RPRD1A: variants seen among roughly 807,000 people sequenced by gnomAD.
RPRD1A encodes regulation of nuclear pre-mRNA domain containing 1A, also known as regulation of nuclear pre-mRNA domain-containing protein 1A.
Under a neutral mutation model 37.8 loss-of-function variants are expected in RPRD1A, and 9 were observed. That is an observed-to-expected ratio of 0.24 (90% CI 0.14 to 0.42). The LOEUF (loss-of-function observed/expected upper bound fraction) is 0.42. RPRD1A is among the 10% of genes least tolerant of loss of function. The probability of loss-of-function intolerance (pLI) is 1.00; values close to 1 mark genes in which losing one functional copy is unlikely to be tolerated. For synonymous variants in RPRD1A, 138 were observed against 139.7 expected, an observed-to-expected ratio of 0.99 and a Z score of 0.08; for missense variants, 255 against 371.0, an observed-to-expected ratio of 0.69 and a Z score of 2.57.
intron 6 of RPRD1A, among the ~76,000 whole-genome samples, chr18:36,008,589 A>ATATATCTATATATATATATATATATC (rs71381561): frequency 1.1e-5 from 1 of 90,826 alleles, no homozygotes; most frequent in Admixed American, 1.3e-4. Context: ...ATATATATAT[A>ATATATCTATATATATATATATATATC]TCTTTAAAAA....
rs8098657 is a variant in RPRD1A at position 36,013,756 on chromosome 18, A to C, written c.789+13144T>G. ...CTGGAATATCTTTACAAGTAAAAAA[A>C]AGTTTTTTTACATTTCTGACACATG... On this transcript the variant is annotated intron_variant, in intron 6 of 6. Transcript: ENST00000399022. Among the ~76,000 whole-genome samples, 1,250 of 152,306 alleles carry C rather than the reference A, an allele frequency of 8.2e-3. 24 individuals are homozygous for C. The highest frequency in any genetic ancestry group is 0.029 in the African/African-American group (1,185 of 41,574).
chr18:36,031,926 AC>A (rs2144295862), intron 2 of RPRD1A, among the ~76,000 whole-genome samples: 1 of 152,238 alleles, frequency 6.6e-6, no homozygotes, highest in East Asian at 1.9e-4. Flanking sequence ...ACTCCCTAAT[AC>A]CTAGTACCAT....
At chr18:36,067,196 G>A (rs2144454210) in intron 1 of RPRD1A, 58 bp downstream of exon 1, 3 of 1,503,716 alleles carry the variant, frequency 2.0e-6, no homozygotes, top group African/African-American at 1.4e-5. Flanking sequence ...GGGGTTCCCG[G>A]GGGCGCCTGG....
At chr18:36,066,560 A>C (rs550242022) in intron 1 of RPRD1A, among the ~76,000 whole-genome samples, 1 of 152,362 alleles carries the variant, frequency 6.6e-6, no homozygotes, top group African/African-American at 2.4e-5. Flanking sequence ...TTAGTGACAG[A>C]CATCTCAAAA....
chr18:36,037,640 T>C (rs992045710), intron 1 of RPRD1A, among the ~76,000 whole-genome samples: 1 of 151,892 alleles, frequency 6.6e-6, no homozygotes, highest in Non-Finnish European at 1.5e-5. Flanking sequence ...CAGGCAGAGG[T>C]TGGAACAGTT....
chr18:36,000,821 A>C lies in RPRD1A; in HGVS notation c.790-7521T>G, dbSNP rs185219771. Among the ~76,000 whole-genome samples the C allele has an allele frequency of 1.0e-3, 158 of 152,344 alleles. 1 individual carries two copies. Among genetic ancestry groups the C allele is most frequent in the African/African-American group, 3.7e-3 (153 of 41,570 alleles). On this transcript the variant is annotated intron_variant, in intron 6 of 6. Coordinates refer to ENST00000399022, the MANE Select transcript of RPRD1A (RefSeq NM_018170.5). ...CAGGGGCAAAAGGGGGCTCCAACTTAAGATAATCTGTCTTCAGAGTCCTCA... is the reference window on the plus strand; with the variant it reads ...CAGGGGCAAAAGGGGGCTCCAACTTCAGATAATCTGTCTTCAGAGTCCTCA...
intron 1 of RPRD1A, among the ~76,000 whole-genome samples, chr18:36,043,687 T>C (rs1273418581): frequency 6.6e-6 from 1 of 152,078 alleles, no homozygotes; most frequent in Non-Finnish European, 1.5e-5. Context: ...ACTTTTTTGT[T>C]TTACAAATAA....
At chr18:36,041,912 G>A (rs1013737091) in intron 1 of RPRD1A, among the ~76,000 whole-genome samples, 2 of 152,220 alleles carry the variant, frequency 1.3e-5, no homozygotes, top group Non-Finnish European at 2.9e-5. Flanking sequence ...ATGTACTCCT[G>A]TACTACTGCC....
At chr18:36,027,103 T>C (rs1271404865) in intron 5 of RPRD1A, 28 bp from the exon 6 acceptor site, 2 of 1,612,236 alleles carry the variant, frequency 1.2e-6, no homozygotes, top group Non-Finnish European at 8.5e-7. Flanking sequence ...TAATAAAATA[T>C]TATACAACAA....
chr18:36,008,119 T>C (rs1281479263), intron 6 of RPRD1A, among the ~76,000 whole-genome samples: 1 of 152,006 alleles, frequency 6.6e-6, no homozygotes, highest in Non-Finnish European at 1.5e-5. Context: ...ACTTCCCAAC[T>C]TGATGACCAG....
intron 1 of RPRD1A, among the ~76,000 whole-genome samples, chr18:36,061,320 T>C (rs1368275198): frequency 6.6e-6 from 1 of 152,198 alleles, no homozygotes; most frequent in Non-Finnish European, 1.5e-5. Context: ...ACACAATCAA[T>C]AAATACAGGG....
At chr18:36,022,327 G>T (rs984176212) in intron 6 of RPRD1A, among the ~76,000 whole-genome samples, 1 of 152,222 alleles carries the variant, frequency 6.6e-6, no homozygotes, top group Non-Finnish European at 1.5e-5. Flanking sequence ...TCTAGCTAAG[G>T]TCGTTGATGA....
intron 6 of RPRD1A, among the ~76,000 whole-genome samples, chr18:36,006,651 C>T (rs1014161331): frequency 2.0e-5 from 3 of 152,178 alleles, no homozygotes; most frequent in African/African-American, 7.2e-5. Flanking sequence ...AGGGCAGCAT[C>T]ACCTGATAAA....
rs1908806851 is a variant in RPRD1A, at chr18:35,993,096, C to T, written c.*55G>A. 1.3e-6 allele frequency: 2 copies of T among 1,537,860 alleles called. No homozygotes were observed. Among genetic ancestry groups the T allele is most frequent in the South Asian group, 1.2e-5 (1 of 83,896 alleles). Reference sequence around the variant, plus strand: ...AAAAATAACACTACAGGACTATCCACCTAACCTGTCTCCATCTCTTGCAAA... The same window carrying T: ...AAAAATAACACTACAGGACTATCCATCTAACCTGTCTCCATCTCTTGCAAA... On this transcript the variant is annotated 3_prime_UTR_variant, in exon 7 of 7. Transcript: ENST00000399022.
chr18:36,049,584 T>C (rs1399455019), intron 1 of RPRD1A, among the ~76,000 whole-genome samples: 1 of 152,244 alleles, frequency 6.6e-6, no homozygotes, highest in East Asian at 1.9e-4. Context: ...TTGTGACTAG[T>C]TTAATTCACT....
intron 1 of RPRD1A, among the ~76,000 whole-genome samples, chr18:36,049,793 A>T (rs1027991723): frequency 1.3e-5 from 2 of 152,104 alleles, no homozygotes; most frequent in Non-Finnish European, 2.9e-5. Context: ...GGGTGTGCAT[A>T]TATCTGTTTG....
In RPRD1A at chr18:36,033,818, A is replaced by T. The variant is rs1911989957; in HGVS notation, c.171T>A (p.Leu57=). ...ELRKAKPNRK[L]TFLYLANDVI... is the part of the protein sequence containing the mutation. ...CATCATTGGCTAGGTAGAGAAAAGT[A>T]AGCTTCCTGTTTGGTTTGGCTGAAA... is the stretch of plus-strand genomic sequence containing the variant. The change falls in exon 2 of 7, where the codon CTT becomes CTA. Residue 57 remains leucine, a synonymous_variant. Transcript: ENST00000399022. The T allele has an allele frequency of 1.2e-6, 2 of 1,610,198 alleles. No individual in the cohort carries two copies. The highest frequency in any genetic ancestry group is 1.3e-5 in the African/African-American group (1 of 74,710).
chr18:36,024,287 C>T (rs951128422), intron 6 of RPRD1A, among the ~76,000 whole-genome samples: 1 of 150,492 alleles, frequency 6.6e-6, no homozygotes, highest in Non-Finnish European at 1.5e-5. Context: ...GCTGGGACTA[C>T]AGGCACCCAC....
At chr18:36,039,981 G>A (rs2144332565) in intron 1 of RPRD1A, among the ~76,000 whole-genome samples, 1 of 152,150 alleles carries the variant, frequency 6.6e-6, no homozygotes, top group South Asian at 2.1e-4. Flanking sequence ...AGAAAATCAG[G>A]AGAAAAGTCA....
Sources: allele counts gnomAD v4.1 joint callset (sites outside exome capture counted in the v4.1 genomes callset), GRCh38; gene constraint gnomAD v4.1.1; transcripts MANE v1.5; gene names NCBI Gene and HGNC (gene_info 2026-07-23, HGNC 2026-07-21).